The following LSP1 variants were observed in gnomAD, a reference collection of about 807,000 sequenced individuals.
LSP1 encodes lymphocyte specific protein 1.
In LSP1, 32 loss-of-function variants were observed where a neutral mutation model predicts 49.3. That is an observed-to-expected ratio of 0.65 (90% CI 0.49 to 0.87). LSP1 has a LOEUF of 0.87. LSP1 is among the 40% of genes least tolerant of loss of function. The pLI is 0.00. For missense variants in LSP1, 428 were observed against 442.6 expected, an observed-to-expected ratio of 0.97 and a Z score of 0.30; for synonymous variants, 179 against 178.8, an observed-to-expected ratio of 1.00 and a Z score of -0.01.
chr11:1,890,554 C>T (rs918671834), intron 10 of LSP1: 11 of 712,198 alleles, frequency 1.5e-5, no homozygotes, highest in African/African-American at 7.0e-5. Flanking sequence ...CCGCACACCT[C>T]GGGTGCCATC....
rs373410554 is a variant in LSP1, at chr11:1,853,111, T to A, written c.-34T>A. On this transcript the variant is annotated 5_prime_UTR_variant, in exon 1 of 11. Coordinates refer to ENST00000311604, the MANE Select transcript of LSP1 (RefSeq NM_002339.3). ...AGCACGTACACCCACTCCAGGGATC[T>A]GCCAGCACCCTGTGGGGCCCAGACT... 97 of 1,600,460 alleles carry A rather than the reference T, an allele frequency of 6.1e-5. No individual in the cohort carries two copies. The highest frequency in any genetic ancestry group is 8.3e-5 in the Non-Finnish European group (97 of 1,174,958).
chr11:1,878,916 G>A (rs1296293972), intron 1 of LSP1, among the ~76,000 whole-genome samples: 1 of 151,862 alleles, frequency 6.6e-6, no homozygotes, highest in Non-Finnish European at 1.5e-5. Context: ...CTGCTGGGCC[G>A]GGGCTCTGAT....
rs746359590 is a variant in LSP1, at chr11:1,883,422, C to T, written c.360C>T (p.Pro120=). ...TTGCCTCCCTTTCCACCCACAGGCC[C>T]GGCCTGCATGCCTACGAAAAGGAGG... ...RSPEGEQEDR[P]GLHAYEKEDS... The change falls in exon 4 of 11, where the codon CCC becomes CCT. Residue 120 remains proline (P), a synonymous_variant. Transcript: ENST00000311604. 1.7e-5 allele frequency: 28 copies of T among 1,614,018 alleles called. No individual in the cohort carries two copies. The highest frequency in any genetic ancestry group is 4.4e-5 in the South Asian group (4 of 91,084).
At chr11:1,870,659 C>T (rs1847960140) in intron 1 of LSP1, 13 of 1,083,198 alleles carry the variant, frequency 1.2e-5, no homozygotes, top group Non-Finnish European at 1.4e-5. Flanking sequence ...GGCTCCCGCC[C>T]AGGTGGGCAC....
rs553028792 is a variant in LSP1, at chr11:1,866,802, C to T, written c.54-13285C>T. 291 of 1,550,334 alleles carry T rather than the reference C, an allele frequency of 1.9e-4. 1 individual carries two copies. The East Asian group carries it at 6.0e-3, about 32-fold the overall frequency. On this transcript the variant is annotated intron_variant, in intron 1 of 10. Transcript: ENST00000311604. ...GCCCAAGAGAAGGAAGTGCAGCCCC[C>T]GGAGGAGGGGCAGAGCCCCTGCCTG...
chr11:1,871,466 G>A lies in LSP1; in HGVS notation c.54-8621G>A, dbSNP rs1202035623. 18 of 986,288 alleles carry A rather than the reference G, an allele frequency of 1.8e-5. No individual in the cohort carries two copies. In the South Asian group the frequency reaches 7.0e-4, roughly 38 times the overall value. 61.1% of individuals were successfully genotyped at this position (986,288 alleles called of 1,614,324 possible). A position where few individuals can be genotyped will look rare whatever the true frequency, so the allele number is the denominator to read the frequency against. On this transcript the variant is annotated intron_variant, in intron 1 of 10. Transcript: ENST00000311604. The stretch of plus-strand genomic sequence containing the variant: ...GGGCTGGTCAGCAGGACATCAAGCC[G>A]GTTCTGGACCCTGCTCTGAGGACGG...
intron 1 of LSP1, among the ~76,000 whole-genome samples, chr11:1,857,733 C>T (rs1048254047): frequency 3.9e-5 from 6 of 152,194 alleles, no homozygotes; most frequent in African/African-American, 1.4e-4. Flanking sequence ...CAAGCGTTCA[C>T]TCCATGCCAG....
In LSP1 at chr11:1,884,216, G is replaced by A. The variant is rs1848662114; in HGVS notation, c.592-64G>A. Reference sequence around the variant, plus strand: ...GTTGGATTAGTGGTTGGAGTAGCTGGGGAGATGGAGGGTGGGCTTTACCTC... The same window carrying A: ...GTTGGATTAGTGGTTGGAGTAGCTGAGGAGATGGAGGGTGGGCTTTACCTC... On this transcript the variant is annotated intron_variant, in intron 5 of 10. Coordinates refer to ENST00000311604, the MANE Select transcript of LSP1 (RefSeq NM_002339.3). The surrounding 1 kb of genome is among the most constrained non-coding windows in gnomAD (Gnocchi z 4.1). 1 of 1,581,430 alleles carries A rather than the reference G, an allele frequency of 6.3e-7. No individual in the cohort carries two copies. The highest frequency in any genetic ancestry group is 8.7e-7 in the Non-Finnish European group (1 of 1,150,316).
chr11:1,890,904 C>T (rs1415626372), intron 10 of LSP1: 18 of 332,164 alleles, frequency 5.4e-5, no homozygotes, highest in Non-Finnish European at 1.0e-4. Context: ...CCCAAGTACA[C>T]AGCCTGGGTC....
At chr11:1,865,378 A>C in intron 1 of LSP1, 1 of 309,824 alleles carries the variant, frequency 3.2e-6, no homozygotes, top group Non-Finnish European at 4.7e-6. Flanking sequence ...CTGCTGCCCC[A>C]AGCGTGGGCA....
At chr11:1,891,153 T>C (rs1323431391) in intron 10 of LSP1, 1 of 155,084 alleles carries the variant, frequency 6.4e-6, no homozygotes, top group East Asian at 1.9e-4. Context: ...CAGAGGTAGA[T>C]TGGCCGGAAG....
chr11:1,860,381 A>T (rs192903040), intron 1 of LSP1, among the ~76,000 whole-genome samples: 1 of 152,150 alleles, frequency 6.6e-6, no homozygotes, highest in Admixed American at 6.6e-5. Flanking sequence ...GGATGGGCAG[A>T]TGGATGGGGT....
intron 10 of LSP1, among the ~76,000 whole-genome samples, chr11:1,888,336 G>A (rs1046121365): frequency 6.6e-6 from 1 of 152,064 alleles, no homozygotes; most frequent in East Asian, 1.9e-4. Flanking sequence ...TCTCTGTCCC[G>A]CTTGGCCAAG....
chr11:1,872,193 G>A (rs1848054183), intron 1 of LSP1, among the ~76,000 whole-genome samples: 1 of 137,048 alleles, frequency 7.3e-6, no homozygotes, highest in African/African-American at 2.8e-5. Flanking sequence ...GGCTGGCGTG[G>A]GCACCTTTGG....
rs1848796505 is a variant in LSP1 at position 1,887,321 on chromosome 11, C to T, written c.930+7C>T. 1 of 1,603,368 alleles carries T rather than the reference C, an allele frequency of 6.2e-7. No homozygotes were observed. The highest frequency in any genetic ancestry group is 1.7e-4 in the Middle Eastern group (1 of 5,980). ...GACCTCATCAACAATTAAGGTAGAG[C>T]CTAAATGTGGTTGGTGCAGGCAGGG... On this transcript the variant is annotated splice_region_variant and intron_variant, in intron 9 of 10. Coordinates refer to ENST00000311604, the MANE Select transcript of LSP1 (RefSeq NM_002339.3).
rs1445672340 is a variant in LSP1 at position 1,884,007 on chromosome 11, C to T, written c.574C>T (p.Leu192=). ...EGTIEQSSPP[L]SPTTKLIDRT... is the part of the protein sequence containing the mutation. ...GACCATCGAACAGAGCTCGCCTCCC[C>T]TGAGCCCTACCACCAAAGTAAGTTA... The change falls in exon 5 of 11, where the codon CTG becomes TTG. Residue 192 remains leucine (L), a synonymous_variant. Transcript: ENST00000311604. The surrounding 1 kb of genome is among the most constrained non-coding windows in gnomAD (Gnocchi z 4.1). 6.2e-7 allele frequency: 1 copy of T among 1,612,262 alleles called. No individual in the cohort carries two copies. The highest frequency in any genetic ancestry group is 8.5e-7 in the Non-Finnish European group (1 of 1,179,410).
At position 1,873,947 on chromosome 11, in the gene LSP1, C is replaced by CTGG. The variant is rs1565079310; in HGVS notation, c.54-6140_54-6139insTGG. On this transcript the variant is annotated intron_variant, in intron 1 of 10. Coordinates refer to ENST00000311604, the MANE Select transcript of LSP1 (RefSeq NM_002339.3). The stretch of plus-strand genomic sequence containing the variant: ...GAGGGAGGCCGGCAGAGGAGGGAGG[C>CTGG]CGGCAGAGCAGGGAGCCCGGCGGAG... Among the ~76,000 whole-genome samples the CTGG allele has an allele frequency of 2.6e-4, 35 of 133,406 alleles. 4 individuals are homozygous for CTGG. Among genetic ancestry groups the CTGG allele is most frequent in the African/African-American group, 1.0e-3 (32 of 31,862 alleles). The allele number at this position is 133,406 out of a possible 152,430, so 87.5% of individuals were successfully genotyped here. A position where few individuals can be genotyped will look rare whatever the true frequency, so the allele number is the denominator to read the frequency against.
At position 1,887,500 on chromosome 11, in the gene LSP1, G is replaced by A. The variant is rs376300668; in HGVS notation, c.957G>A (p.Lys319=). ...GCACCCCATCTGGGAAGAGGTATAA[G>A]TTTGTGGCCACCGGGCATGGGAAGT... ...IKSTPSGKRY[K]FVATGHGKYE... The change falls in exon 10 of 11, where the codon AAG becomes AAA. Residue 319 remains lysine (K), a synonymous_variant. Coordinates refer to ENST00000311604, the MANE Select transcript of LSP1 (RefSeq NM_002339.3). 6.2e-6 allele frequency: 10 copies of A among 1,613,862 alleles called. No homozygotes were observed. The Admixed American group carries it at 1.7e-4, about 27-fold the overall frequency.
In LSP1 at chr11:1,871,465, C is replaced by T. The variant is rs1480915042; in HGVS notation, c.54-8622C>T. ...TGGGCTGGTCAGCAGGACATCAAGCCGGTTCTGGACCCTGCTCTGAGGACG... is the reference window on the plus strand; with the variant it reads ...TGGGCTGGTCAGCAGGACATCAAGCTGGTTCTGGACCCTGCTCTGAGGACG... On this transcript the variant is annotated intron_variant, in intron 1 of 10. Coordinates refer to ENST00000311604, the MANE Select transcript of LSP1 (RefSeq NM_002339.3). 1.0e-5 allele frequency: 10 copies of T among 986,094 alleles called. No homozygotes were observed. In the Admixed American group the frequency reaches 2.5e-4, roughly 24 times the overall value. 61.1% of individuals were successfully genotyped at this position (986,094 alleles called of 1,614,324 possible).
Sources: allele counts gnomAD v4.1 joint callset (sites outside exome capture counted in the v4.1 genomes callset), GRCh38; gene constraint gnomAD v4.1.1; non-coding constraint Gnocchi (gnomAD v3.1); transcripts MANE v1.5; gene names NCBI Gene and HGNC (gene_info 2026-07-23, HGNC 2026-07-21).